The following NXN variants were observed in gnomAD, a reference collection of about 807,000 sequenced individuals.
The protein encoded by NXN is nucleoredoxin, also known as nucleoredoxin 1.
NXN carries 16 observed loss-of-function variants against 48.6 expected under a neutral mutation model. The observed-to-expected ratio is 0.33, with a 90% confidence interval of 0.22 to 0.50. The LOEUF (loss-of-function observed/expected upper bound fraction) is 0.50, where lower values mean the gene tolerates loss of function less well. Ranked by LOEUF, NXN falls within the 20% of genes least tolerant of loss-of-function variation. NXN has a pLI of 0.98. For missense variants in NXN, 492 were observed against 605.5 expected (o/e 0.81, Z 1.97); for synonymous variants, 281 against 269.6 (o/e 1.04, Z -0.41).
chr17:851,384 T>A (rs1002186029), intron 1 of NXN, among the ~76,000 whole-genome samples: 4 of 152,226 alleles, frequency 2.6e-5, no homozygotes, highest in African/African-American at 9.6e-5. Flanking sequence ...TTAGAAGGCA[T>A]GAGCGGGGGA....
intron 1 of NXN, among the ~76,000 whole-genome samples, chr17:930,789 T>TTA (rs1199088757): frequency 2.6e-4 from 37 of 144,932 alleles, no homozygotes; most frequent in African/African-American, 9.1e-4. Context: ...TTTTTTTTTT[T>TTA]AGACAGAATC....
At chr17:824,534 C>T (rs971819573) in intron 2 of NXN, among the ~76,000 whole-genome samples, 32 of 152,318 alleles carry the variant, frequency 2.1e-4, no homozygotes, top group Middle Eastern at 3.4e-3. Context: ...ATTCACATCC[C>T]GGCCGTCACA....
intron 1 of NXN, among the ~76,000 whole-genome samples, chr17:923,100 G>A (rs2068764894): frequency 6.6e-6 from 1 of 151,994 alleles, no homozygotes; most frequent in African/African-American, 2.4e-5. Flanking sequence ...TACTTTCCTT[G>A]ACAGCATTAT....
chr17:906,019 T>G (rs1234534627), intron 1 of NXN, among the ~76,000 whole-genome samples: 2 of 151,856 alleles, frequency 1.3e-5, no homozygotes. Flanking sequence ...CAGGTGAAGT[T>G]AATCTTAATA....
intron 1 of NXN, among the ~76,000 whole-genome samples, chr17:848,148 T>TTG (rs58122077): frequency 0.016 from 2,394 of 152,152 alleles, 59 homozygotes; most frequent in African/African-American, 0.055. Context: ...CTGTTTTGTT[T>TTG]TTTTTTTGAG....
At position 917,854 on chromosome 17, in the gene NXN, G is replaced by A. The variant is rs981794838; in HGVS notation, c.360+61465C>T. Among the ~76,000 whole-genome samples, 19 of 152,304 alleles carry A rather than the reference G, an allele frequency of 1.2e-4. No individual in the cohort carries two copies. The highest frequency in any genetic ancestry group is 1.0e-4 in the Non-Finnish European group (7 of 68,016). On this transcript the variant is annotated intron_variant, in intron 1 of 7. Coordinates refer to ENST00000336868, the MANE Select transcript of NXN (RefSeq NM_022463.5). The surrounding 1 kb of genome is among the most constrained non-coding windows in gnomAD (Gnocchi z 4.5). The stretch of plus-strand genomic sequence containing the variant: ...AAGCGACAGGAGAGGGGGGACTCCC[G>A]TTCCAAACAAAGGGGACTGCGTACT...
intron 1 of NXN, among the ~76,000 whole-genome samples, chr17:954,115 T>C (rs1034231221): frequency 6.6e-6 from 1 of 152,056 alleles, no homozygotes; most frequent in Non-Finnish European, 1.5e-5. Flanking sequence ...CCGTGGCTCA[T>C]GCCTGTCATC....
chr17:962,798 C>A (rs371483273), intron 1 of NXN, among the ~76,000 whole-genome samples: 17 of 152,298 alleles, frequency 1.1e-4, no homozygotes, highest in Admixed American at 9.2e-4. Flanking sequence ...GACTGATGGC[C>A]TCAGAGAATG....
At position 932,710 on chromosome 17, in the gene NXN, C is replaced by T. The variant is rs1162305235; in HGVS notation, c.360+46609G>A. On this transcript the variant is annotated intron_variant, in intron 1 of 7. Transcript: ENST00000336868. The surrounding 1 kb of genome is among the most constrained non-coding windows in gnomAD (Gnocchi z 4.1). The stretch of plus-strand genomic sequence containing the variant: ...ACCGACTTTTGCCATCAGTGGGCAG[C>T]GAGTGGGCTGTGTGGTCCCCGGACA... Among the ~76,000 whole-genome samples the T allele has an allele frequency of 1.3e-5, 2 of 152,176 alleles. No individual in the cohort carries two copies. Among genetic ancestry groups the T allele is most frequent in the Admixed American group, 6.6e-5 (1 of 15,266 alleles).
chr17:819,000 G>GTAGATCTCGGTGGTCGCCGTAT, intron 5 of NXN: 1 of 276,406 alleles, frequency 3.6e-6, no homozygotes. Flanking sequence ...AGGTTGGAGT[G>GTAGATCTCGGTGGTCGCCGTAT]CAATAGCACA....
chr17:921,181 T>G (rs1307297636), intron 1 of NXN, among the ~76,000 whole-genome samples: 4 of 152,082 alleles, frequency 2.6e-5, no homozygotes, highest in African/African-American at 9.7e-5. Context: ...GGGAGCCCCT[T>G]CCTCTGCTCA....
intron 1 of NXN, among the ~76,000 whole-genome samples, chr17:908,313 G>A (rs767105684): frequency 1.1e-4 from 16 of 151,700 alleles, no homozygotes; most frequent in African/African-American, 2.2e-4. Context: ...TGAGGCAGGC[G>A]GATCATGAGG....
chr17:809,981 C>CCG (rs879177371), intron 5 of NXN, among the ~76,000 whole-genome samples: 9 of 85,094 alleles, frequency 1.1e-4, no homozygotes, highest in South Asian at 4.1e-4. Context: ...CGTTACGAGT[C>CCG]TGTGAGTGGC....
intron 1 of NXN, among the ~76,000 whole-genome samples, chr17:976,490 T>G (rs1009997202): frequency 6.6e-6 from 1 of 152,194 alleles, no homozygotes; most frequent in African/African-American, 2.4e-5. Context: ...ATTAGCAATC[T>G]GGAACTCTGG....
At chr17:805,370 C>T in intron 5 of NXN, 123 bp from the exon 6 acceptor site, 1 of 1,051,808 alleles carries the variant, frequency 9.5e-7, no homozygotes, top group Non-Finnish European at 1.3e-6. Context: ...GGACCTGGTA[C>T]AGGCTCACAA....
At chr17:970,945 CTTTTT>C (rs398058506) in intron 1 of NXN, among the ~76,000 whole-genome samples, 1 of 134,002 alleles carries the variant, frequency 7.5e-6, no homozygotes. Context: ...ATATGAGACT[CTTTTT>C]TTTTTTTTTT....
At chr17:876,054 A>C (rs1298333817) in intron 1 of NXN, among the ~76,000 whole-genome samples, 1 of 151,856 alleles carries the variant, frequency 6.6e-6, no homozygotes, top group Non-Finnish European at 1.5e-5. Flanking sequence ...GGTGGCGTGC[A>C]CCTGTAATCC....
chr17:804,486 G>A (rs554941996), intron 6 of NXN, among the ~76,000 whole-genome samples: 8 of 152,092 alleles, frequency 5.3e-5, no homozygotes, highest in Non-Finnish European at 1.2e-4. Context: ...GGAGCCACAA[G>A]TCCAAGGCAG....
chr17:939,120 T>G (rs2068941329), intron 1 of NXN, among the ~76,000 whole-genome samples: 2 of 152,192 alleles, frequency 1.3e-5, no homozygotes, highest in Non-Finnish European at 2.9e-5. Flanking sequence ...AACAGAATCT[T>G]TGACCTAGCA....
Sources: gnomAD v4.1 joint callset for allele counts (sites outside exome capture counted in the v4.1 genomes callset) on GRCh38, gnomAD v4.1.1 for gene constraint, Gnocchi (gnomAD v3.1) non-coding constraint, MANE v1.5 for transcripts, NCBI Gene and HGNC (gene_info 2026-07-23, HGNC 2026-07-21) for gene names.